SPRYD3: variants seen among roughly 807,000 people sequenced by gnomAD.
SPRYD3 encodes SPRY domain-containing protein 3.
In SPRYD3, 17 loss-of-function variants were observed where a neutral mutation model predicts 50.1. The ratio of observed to expected loss-of-function variants is 0.34; its 90% CI spans 0.23 to 0.51. The LOEUF (loss-of-function observed/expected upper bound fraction) is 0.51, where lower values mean the gene tolerates loss of function less well. Ranked by LOEUF, SPRYD3 falls within the 20% of genes least tolerant of loss-of-function variation. The pLI, the probability that SPRYD3 is intolerant of heterozygous loss-of-function variation, is 0.97. For synonymous variants in SPRYD3, 198 were observed against 215.5 expected (o/e 0.92, Z 0.71); for missense variants, 401 against 591.2 (o/e 0.68, Z 3.34).
At position 53,066,353 on chromosome 12, in the gene SPRYD3, C is replaced by T; in HGVS notation, c.1155G>A (p.Gly385=). Residue 385 remains glycine (G), a synonymous_variant, in exon 10 of 11, where the codon GGG becomes GGA. Coordinates refer to ENST00000301463, the MANE Select transcript of SPRYD3 (RefSeq NM_032840.3). ...CCTCATGCTCCGGCTCTATCTCTTCCCCATCCTCTTCCTCTTCCTCTTCCT... is the reference window on the plus strand; with the variant it reads ...CCTCATGCTCCGGCTCTATCTCTTCTCCATCCTCTTCCTCTTCCTCTTCCT... ...EEEEEEEEED[G]EEIEPEHEGR... The T allele has an allele frequency of 6.2e-7, 1 of 1,613,992 alleles. No homozygotes were observed. Among genetic ancestry groups the T allele is most frequent in the South Asian group, 1.1e-5 (1 of 91,074 alleles).
intron 6 of SPRYD3, among the ~76,000 whole-genome samples, chr12:53,072,750 G>A (rs1944558550): frequency 2.0e-5 from 3 of 152,364 alleles, no homozygotes; most frequent in South Asian, 4.1e-4. Flanking sequence ...GTTTGGAGGT[G>A]TAAGGATGCT....
At position 53,075,092 on chromosome 12, in the gene SPRYD3, C is replaced by G. The variant is rs915493647; in HGVS notation, c.371+3G>C. The stretch of plus-strand genomic sequence containing the variant: ...GGGCCGGGTTGCACAGGAGCCAACT[C>G]ACTTGCCATCATCAGCATGGTAGGC... On this transcript the variant is annotated splice_donor_region_variant and intron_variant, in intron 4 of 10. Transcript: ENST00000301463. The G allele has an allele frequency of 3.1e-6, 5 of 1,611,038 alleles. No individual in the cohort carries two copies. In the Admixed American group the frequency reaches 5.0e-5, roughly 16 times the overall value.
chr12:53,077,082 G>A (rs745319758), intron 2 of SPRYD3, 33 bp downstream of exon 2: 2 of 1,604,772 alleles, frequency 1.2e-6, no homozygotes, highest in East Asian at 2.2e-5. Context: ...CTGGAACAGA[G>A]AAGAAAATGT....
intron 3 of SPRYD3, 78 bp downstream of exon 3, chr12:53,075,658 A>G: frequency 6.9e-6 from 8 of 1,162,314 alleles, no homozygotes; most frequent in Non-Finnish European, 1.0e-5. Context: ...TCATACATCT[A>G]GTAAAGGAGC....
intron 1 of SPRYD3, among the ~76,000 whole-genome samples, chr12:53,077,626 G>A (rs958767897): frequency 6.6e-6 from 1 of 152,234 alleles, no homozygotes; most frequent in Non-Finnish European, 1.5e-5. Context: ...TCTCTGAGGA[G>A]GTGACATTTG....
rs1381384416 is a variant in SPRYD3, at chr12:53,066,580, G to A, written c.1014C>T (p.Asp338=). 2 of 1,613,924 alleles carry A rather than the reference G, an allele frequency of 1.2e-6. No individual in the cohort carries two copies. Among genetic ancestry groups the A allele is most frequent in the African/African-American group, 1.3e-5 (1 of 75,046 alleles). ...CACCCCTACCCCACTCACCCTCACT[G>A]TCCAAAATGTAGTCCCGGGGGAACA... ...GIMFPRDYIL[D]SEGDSDDSCD... is the part of the protein sequence containing the mutation. The change falls in exon 9 of 11, where the codon GAC becomes GAT. Residue 338 remains aspartate (D), a synonymous_variant. Transcript: ENST00000301463.
chr12:53,072,829 A>G (rs1944558931), intron 6 of SPRYD3, among the ~76,000 whole-genome samples: 1 of 152,216 alleles, frequency 6.6e-6, no homozygotes, highest in Non-Finnish European at 1.5e-5. Context: ...AGAAACTGAC[A>G]TTGACACTTC....
chr12:53,070,632 A>G (rs140439289), intron 6 of SPRYD3, among the ~76,000 whole-genome samples: 132 of 152,328 alleles, frequency 8.7e-4, no homozygotes, highest in African/African-American at 3.0e-3. Flanking sequence ...TGAATTTCCA[A>G]AAACAAGTGG....
At chr12:53,068,086 C>T in intron 7 of SPRYD3, 69 bp downstream of exon 7, 4 of 1,585,912 alleles carry the variant, frequency 2.5e-6, no homozygotes, top group Non-Finnish European at 3.4e-6. Context: ...TAAGAGCTTC[C>T]TGGTGCTGCC....
chr12:53,066,103 G>A, intron 10 of SPRYD3, 137 bp from the exon 11 acceptor site: 1 of 1,364,188 alleles, frequency 7.3e-7, no homozygotes, highest in Non-Finnish European at 1.0e-6. Context: ...GGTGTTATGG[G>A]AAGTGACCAC....
At chr12:53,066,078 G>A in intron 10 of SPRYD3, 112 bp from the exon 11 acceptor site, 2 of 1,438,754 alleles carry the variant, frequency 1.4e-6, no homozygotes, top group South Asian at 1.3e-5. Flanking sequence ...AGCGGGGCTG[G>A]AGAGGGGCAG....
rs1944519568 is a variant in SPRYD3 at position 53,067,642 on chromosome 12, A to G, written c.901+6T>C. On this transcript the variant is annotated splice_donor_region_variant and intron_variant, in intron 8 of 10. Transcript: ENST00000301463. ...TCCCACCTTTCCCAGGCAGCCCGCT[A>G]TTCACCTGCATGATAAGCCACAGAC... 2 of 1,613,730 alleles carry G rather than the reference A, an allele frequency of 1.2e-6. No homozygotes were observed. Among genetic ancestry groups the G allele is most frequent in the African/African-American group, 1.3e-5 (1 of 74,922 alleles).
chr12:53,078,891 T>C (rs1279963957), intron 1 of SPRYD3, among the ~76,000 whole-genome samples: 1 of 152,212 alleles, frequency 6.6e-6, no homozygotes, highest in Non-Finnish European at 1.5e-5. Context: ...ACGACTCTTA[T>C]GCAGTAGCTA....
At chr12:53,072,336 C>G (rs1490080181) in intron 6 of SPRYD3, among the ~76,000 whole-genome samples, 1 of 152,046 alleles carries the variant, frequency 6.6e-6, no homozygotes, top group Non-Finnish European at 1.5e-5. Context: ...TTCCACTCCA[C>G]CAGGGGGAGG....
At position 53,074,854 on chromosome 12, in the gene SPRYD3, G is replaced by A. The variant is rs767142266; in HGVS notation, c.372-70C>T. 334 of 1,576,590 alleles carry A rather than the reference G, an allele frequency of 2.1e-4. 1 individual carries two copies. Among genetic ancestry groups the A allele is most frequent in the Non-Finnish European group, 2.4e-4 (276 of 1,150,358 alleles). On this transcript the variant is annotated intron_variant, in intron 4 of 10. Transcript: ENST00000301463. This position sits in a 1 kb window ranked among gnomAD's most constrained non-coding sequence, Gnocchi z 4.6. The stretch of plus-strand genomic sequence containing the variant: ...CAACTTCTCCCCAGCACTGACAGCA[G>A]AGGCCTCATCCTCATCTTGCTGCTC...
At position 53,073,445 on chromosome 12, in the gene SPRYD3, G is replaced by C. The variant is rs1347424016; in HGVS notation, c.534C>G (p.Ser178=). 2 of 1,561,320 alleles carry C rather than the reference G, an allele frequency of 1.3e-6. No individual in the cohort carries two copies. The highest frequency in any genetic ancestry group is 2.3e-5 in the East Asian group (1 of 42,656). The change falls in exon 6 of 11, where the codon TCC becomes TCG. Residue 178 remains serine, a synonymous_variant. Transcript: ENST00000301463. ...CCACTGCTGGGAACAGTCCATCTGG[G>C]GACATGGGCATGATGGTAGAGCCCA... The part of the protein sequence containing the change: ...KRVGSTIMPM[S]PDGLFPAVGM...
intron 1 of SPRYD3, among the ~76,000 whole-genome samples, chr12:53,078,411 C>A (rs565896921): frequency 2.5e-4 from 38 of 151,502 alleles, no homozygotes; most frequent in Non-Finnish European, 8.8e-5. Flanking sequence ...ATTGCTTGAA[C>A]CTGGGAGGTG....
chr12:53,070,176 A>G (rs1417084550), intron 6 of SPRYD3, among the ~76,000 whole-genome samples: 1 of 152,166 alleles, frequency 6.6e-6, no homozygotes, highest in Non-Finnish European at 1.5e-5. Flanking sequence ...ACGACTAGGT[A>G]CTTGTACAGT....
In SPRYD3 at chr12:53,079,362, C is replaced by T. The variant is rs1592268019; in HGVS notation, c.-29G>A. The T allele has an allele frequency of 1.9e-6, 3 of 1,600,520 alleles. No individual in the cohort carries two copies. Among genetic ancestry groups the T allele is most frequent in the African/African-American group, 1.3e-5 (1 of 74,184 alleles). On this transcript the variant is annotated 5_prime_UTR_variant, in exon 1 of 11. Coordinates refer to ENST00000301463, the MANE Select transcript of SPRYD3 (RefSeq NM_032840.3). Reference sequence around the variant, plus strand: ...TAGGCCTCTCAGCTCCGCACACAAGCTCTTCGGCCGCCGCCACCACACACA... The same window carrying T: ...TAGGCCTCTCAGCTCCGCACACAAGTTCTTCGGCCGCCGCCACCACACACA...
Sources: allele counts gnomAD v4.1 joint callset (sites outside exome capture counted in the v4.1 genomes callset), GRCh38; gene constraint gnomAD v4.1.1; non-coding constraint Gnocchi (gnomAD v3.1); transcripts MANE v1.5; gene names NCBI Gene and HGNC (gene_info 2026-07-23, HGNC 2026-07-21).